DYRK1B: variants seen among roughly 807,000 people sequenced by gnomAD.
DYRK1B encodes the protein dual specificity tyrosine-phosphorylation-regulated kinase 1B.
In DYRK1B, 20 loss-of-function variants were observed where a neutral mutation model predicts 57.1. The ratio of observed to expected loss-of-function variants is 0.35; its 90% CI spans 0.25 to 0.51. The LOEUF is 0.51. Ranked by LOEUF, DYRK1B falls within the 20% of genes least tolerant of loss-of-function variation. DYRK1B has a pLI of 0.96. For synonymous variants in DYRK1B, 409 were observed against 384.7 expected (o/e 1.06, Z -0.74); for missense variants, 732 against 886.3 (o/e 0.83, Z 2.21).
chr19:39,830,378 G>A lies in DYRK1B; in HGVS notation c.369C>T (p.Gly123=). ...GGTGGTGGGGGGTGTCCCACACCTGGCCAAAGGAGCCTTTGCCAATGAGCG... is the reference window on the plus strand; with the variant it reads ...GGTGGTGGGGGGTGTCCCACACCTGACCAAAGGAGCCTTTGCCAATGAGCG... ...IDSLIGKGSF[G]QVVKAYDHQT... is the part of the protein sequence containing the mutation. Residue 123 remains glycine (G), a synonymous_variant, in exon 4 of 11, where the codon GGC becomes GGT. Transcript: ENST00000323039. 2 of 1,614,032 alleles carry A rather than the reference G, an allele frequency of 1.2e-6. No individual in the cohort carries two copies. Among genetic ancestry groups the A allele is most frequent in the Non-Finnish European group, 1.7e-6 (2 of 1,180,012 alleles).
Position 39,831,944 on chromosome 19 carries a change from C to T in DYRK1B, c.-77G>A. On this transcript the variant is annotated 5_prime_UTR_variant, in exon 2 of 11. It adds an upstream start codon to the 5' untranslated region. Coordinates refer to ENST00000323039, the MANE Select transcript of DYRK1B (RefSeq NM_004714.3). ...GGGGGGCGCCTTCTTGCATCCTGCA[C>T]CTCGGCTGCCACCGCCGCTGAGACC... 7.0e-7 allele frequency: 1 copy of T among 1,431,722 alleles called. No individual in the cohort carries two copies. Among genetic ancestry groups the T allele is most frequent in the Non-Finnish European group, 9.2e-7 (1 of 1,092,664 alleles). 88.7% of individuals were successfully genotyped at this position (1,431,722 alleles called of 1,614,324 possible).
At chr19:39,827,723 A>G in intron 6 of DYRK1B, 67 bp from the exon 7 acceptor site, 2 of 1,567,420 alleles carry the variant, frequency 1.3e-6, no homozygotes, top group Non-Finnish European at 1.7e-6. Flanking sequence ...CCCCAAAGCT[A>G]AGAGGACCCA....
At chr19:39,827,710 C>T (rs2145012449) in intron 6 of DYRK1B, 54 bp from the exon 7 acceptor site, 2 of 1,587,340 alleles carry the variant, frequency 1.3e-6, no homozygotes, top group South Asian at 1.1e-5. Flanking sequence ...GTCCCACTGA[C>T]ACCCCCAAAG....
chr19:39,828,379 G>A lies in DYRK1B; in HGVS notation c.725C>T (p.Pro242Leu). The A allele has an allele frequency of 6.2e-7, 1 of 1,614,170 alleles. No individual in the cohort carries two copies. Among genetic ancestry groups the A allele is most frequent in the Non-Finnish European group, 8.5e-7 (1 of 1,180,022 alleles). Residue 242 changes from proline (P) to leucine (L), a missense_variant, in exon 6 of 11, where the codon CCC becomes CTC. By Grantham distance (98) the Pro-to-Leu change is moderately conservative. Coordinates refer to ENST00000323039, the MANE Select transcript of DYRK1B (RefSeq NM_004714.3). This position sits in a 1 kb window ranked among gnomAD's most constrained non-coding sequence, Gnocchi z 4.3. ...GGGGTTGCACAGCAAGATGTTTTCGGGCTTGAGGTCGCAGTGAATGATGCT... is the reference window on the plus strand; with the variant it reads ...GGGGTTGCACAGCAAGATGTTTTCGAGCTTGAGGTCGCAGTGAATGATGCT... ...ELSIIHCDLK[P>L]ENILLCNPKR...
chr19:39,828,363 C>G lies in DYRK1B; in HGVS notation c.741G>C (p.Leu247=). ...HCDLKPENIL[L]CNPKRSAIKI... Reference sequence around the variant, plus strand: ...TGATGGCGCTGCGCTTGGGGTTGCACAGCAAGATGTTTTCGGGCTTGAGGT... The same window carrying G: ...TGATGGCGCTGCGCTTGGGGTTGCAGAGCAAGATGTTTTCGGGCTTGAGGT... Residue 247 remains leucine, a synonymous_variant, in exon 6 of 11, where the codon CTG becomes CTC. Coordinates refer to ENST00000323039, the MANE Select transcript of DYRK1B (RefSeq NM_004714.3). This position sits in a 1 kb window ranked among gnomAD's most constrained non-coding sequence, Gnocchi z 4.3. 6.2e-7 allele frequency: 1 copy of G among 1,614,192 alleles called. No homozygotes were observed. The highest frequency in any genetic ancestry group is 8.5e-7 in the Non-Finnish European group (1 of 1,180,034).
At chr19:39,827,913 G>T (rs1968617216) in intron 6 of DYRK1B, among the ~76,000 whole-genome samples, 1 of 152,120 alleles carries the variant, frequency 6.6e-6, no homozygotes, top group African/African-American at 2.4e-5. Flanking sequence ...TGGGTCACCA[G>T]GCAGAGGCTG....
At chr19:39,831,323 G>T (rs199538848) in intron 2 of DYRK1B, among the ~76,000 whole-genome samples, 1 of 30,508 alleles carries the variant, frequency 3.3e-5, no homozygotes, top group African/African-American at 2.6e-4. Flanking sequence ...CTCTAGCCTT[G>T]GGAGAGCTTT....
rs371524346 is a variant in DYRK1B, at chr19:39,830,447, G to A, written c.300C>T (p.Ile100=). 46 of 1,614,100 alleles carry A rather than the reference G, an allele frequency of 2.8e-5. No individual in the cohort carries two copies. The highest frequency in any genetic ancestry group is 2.0e-4 in the African/African-American group (15 of 74,936). ...CCAGCCAGCGCTCGCCACTGCGCAC[G>A]ATGTAGTCATGGTTGTCGTCATCAT... ...HGYDDDNHDY[I]VRSGERWLER... Residue 100 remains isoleucine (I), a synonymous_variant, in exon 4 of 11, where the codon ATC becomes ATT. Coordinates refer to ENST00000323039, the MANE Select transcript of DYRK1B (RefSeq NM_004714.3).
At position 39,831,828 on chromosome 19, in the gene DYRK1B, G is replaced by A; in HGVS notation, c.40C>T (p.Pro14Ser). 2.6e-6 allele frequency: 4 copies of A among 1,543,590 alleles called. No individual in the cohort carries two copies. In the South Asian group the frequency reaches 3.6e-5, roughly 14 times the overall value. Residue 14 changes from proline to serine, a missense_variant, in exon 2 of 11, where the codon CCA becomes TCA. Physicochemically the swap from Pro to Ser is moderately conservative, Grantham distance 74. Coordinates refer to ENST00000323039, the MANE Select transcript of DYRK1B (RefSeq NM_004714.3). ...ACCTGCGTGTGCTCCTGGGGCCCTG[G>A]GAAGCCAGAGAAGGGACCATGGCCC... Reference protein sequence around the residue: ...PPGHGPFSGFPGPQEHTQVLP... With the variant: ...PPGHGPFSGFSGPQEHTQVLP...
chr19:39,827,648 C>G lies in DYRK1B; in HGVS notation c.816G>C (p.Gln272His). The G allele has an allele frequency of 6.2e-7, 1 of 1,613,560 alleles. No individual in the cohort carries two copies. The highest frequency in any genetic ancestry group is 2.2e-5 in the East Asian group (1 of 44,868). ...SSCQLGQRIY[Q>H]YIQSRFYRSP... ...AGCGGTAGAAGCGGCTCTGGATATA[C>G]TGGTAGATCTGGGAAAAGGGTAATC... Residue 272 changes from glutamine (Q) to histidine (H), a missense_variant, in exon 7 of 11, where the codon CAG becomes CAC. Physicochemically the swap from Gln to His is conservative, Grantham distance 24 (BLOSUM62 0). Transcript: ENST00000323039.
Position 39,825,525 on chromosome 19 carries a change from C to A in DYRK1B, c.*190G>T. The A allele has an allele frequency of 1.6e-6, 1 of 611,260 alleles. No individual in the cohort carries two copies. The highest frequency in any genetic ancestry group is 2.8e-5 in the East Asian group (1 of 35,434). The allele number at this position is 611,260 out of a possible 1,614,324, so 37.9% of individuals were successfully genotyped here. A position where few individuals can be genotyped will look rare whatever the true frequency, so the allele number is the denominator to read the frequency against. On this transcript the variant is annotated 3_prime_UTR_variant, in exon 11 of 11. Coordinates refer to ENST00000323039, the MANE Select transcript of DYRK1B (RefSeq NM_004714.3). ...GGGGAGAGGGGCCCAAGGGTCCAGT[C>A]CTTAGTGGGGAGGGAGCGGCCAAAA... is the stretch of plus-strand genomic sequence containing the variant.
intron 5 of DYRK1B, among the ~76,000 whole-genome samples, chr19:39,829,409 A>G (rs924285029): frequency 6.6e-6 from 1 of 152,010 alleles, no homozygotes; most frequent in East Asian, 1.9e-4. Flanking sequence ...TCACATTTTT[A>G]GTAGAGACGG....
Position 39,828,686 on chromosome 19 carries a change from C to A in DYRK1B, c.521-103G>T. ...CTCTTTGATTACTAGCCACATTGTG[C>A]TGTCCCCACGGGTACCATCTGCTAG... On this transcript the variant is annotated intron_variant, in intron 5 of 10. Coordinates refer to ENST00000323039, the MANE Select transcript of DYRK1B (RefSeq NM_004714.3). The surrounding 1 kb of genome is among the most constrained non-coding windows in gnomAD (Gnocchi z 4.3). The A allele has an allele frequency of 8.2e-7, 1 of 1,226,778 alleles. No homozygotes were observed. The highest frequency in any genetic ancestry group is 1.1e-6 in the Non-Finnish European group (1 of 878,684). The allele number at this position is 1,226,778 out of a possible 1,614,324, so 76.0% of individuals were successfully genotyped here. A position where few individuals can be genotyped will look rare whatever the true frequency, so the allele number is the denominator to read the frequency against.
In DYRK1B at chr19:39,826,107, T is replaced by C. The variant is rs1011130363; in HGVS notation, c.1519-21A>G. On this transcript the variant is annotated intron_variant, in intron 10 of 10. Transcript: ENST00000323039. The surrounding 1 kb of genome is among the most constrained non-coding windows in gnomAD (Gnocchi z 6.3). ...GGGACCTAAAAAAGCAAAGGAGCCA[T>C]GGGTGATGGAGACCCTGGTCTCTAA... is the stretch of plus-strand genomic sequence containing the variant. 5.8e-6 allele frequency: 9 copies of C among 1,540,530 alleles called. No individual in the cohort carries two copies. The highest frequency in any genetic ancestry group is 7.8e-6 in the Non-Finnish European group (9 of 1,149,640).
chr19:39,826,963 G>C lies in DYRK1B; in HGVS notation c.1120C>G (p.Arg374Gly). 1 of 1,456,634 alleles carries C rather than the reference G, an allele frequency of 6.9e-7. No homozygotes were observed. The highest frequency in any genetic ancestry group is 9.0e-7 in the Non-Finnish European group (1 of 1,114,670). 90.2% of individuals were successfully genotyped at this position (1,456,634 alleles called of 1,614,324 possible). ...RKDYQGPGTR[R>G]LQEVLGVQTG... Reference sequence around the variant, plus strand: ...TGCACGCCCAGCACCTCCTGCAGCCGCCGTGTCCCGGGGCCCTGGTAATCC... The same window carrying C: ...TGCACGCCCAGCACCTCCTGCAGCCCCCGTGTCCCGGGGCCCTGGTAATCC... Residue 374 changes from arginine to glycine, a missense_variant, in exon 9 of 11, where the codon CGG (arginine) becomes GGG (glycine). Arg to Gly is a moderately radical substitution (Grantham distance 125, BLOSUM62 -2). Transcript: ENST00000323039. The surrounding 1 kb of genome is among the most constrained non-coding windows in gnomAD (Gnocchi z 6.3).
intron 1 of DYRK1B, among the ~76,000 whole-genome samples, chr19:39,833,796 G>A (rs1385526161): frequency 6.6e-6 from 1 of 152,188 alleles, no homozygotes; most frequent in African/African-American, 2.4e-5. Context: ...GCGGGAGTGG[G>A]GCCCGGCTAC....
intron 4 of DYRK1B, 29 bp downstream of exon 4, chr19:39,830,346 G>C (rs935565402): frequency 3.8e-5 from 61 of 1,613,696 alleles, no homozygotes; most frequent in Non-Finnish European, 5.0e-5. Context: ...GTGGGGCCTT[G>C]GATCAGGGTG....
Position 39,829,955 on chromosome 19 carries a change from G to A in DYRK1B, c.445C>T (p.Leu149=), listed in dbSNP as rs1462596710. ...IKIIKNKKAF[L]NQAQIELRLL... ...CGCAGCTCAATCTGGGCCTGGTTCA[G>A]GAAAGCCTTTTTGTTCTTGATGATC... The change falls in exon 5 of 11, where the codon CTG becomes TTG. Residue 149 remains leucine, a synonymous_variant. Transcript: ENST00000323039. 1.9e-6 allele frequency: 3 copies of A among 1,614,080 alleles called. No individual in the cohort carries two copies. Among genetic ancestry groups the A allele is most frequent in the Non-Finnish European group, 2.5e-6 (3 of 1,180,030 alleles).
chr19:39,832,990 CTT>C (rs1371650734), intron 1 of DYRK1B: 1 of 985,210 alleles, frequency 1.0e-6, no homozygotes, highest in African/African-American at 1.7e-5. Context: ...AGGCACCCCT[CTT>C]TATACCAGGG....
Sources: gnomAD v4.1 joint callset for allele counts (sites outside exome capture counted in the v4.1 genomes callset) on GRCh38, gnomAD v4.1.1 for gene constraint, Gnocchi (gnomAD v3.1) non-coding constraint, MANE v1.5 for transcripts, NCBI Gene and HGNC (gene_info 2026-07-23, HGNC 2026-07-21) for gene names.